LENG1: variants seen among roughly 807,000 people sequenced by gnomAD.
LENG1 encodes leukocyte receptor cluster member 1, also known as leukocyte receptor cluster (LRC) member 1.
In LENG1, 35 loss-of-function variants were observed where a neutral mutation model predicts 28.8. That is an observed-to-expected ratio of 1.22 (90% CI 0.93 to 1.61). LENG1 has a LOEUF of 1.61. Among genes scored for constraint, LENG1 ranks in the 40% most tolerant of loss-of-function variants. The pLI, the probability that LENG1 is intolerant of heterozygous loss-of-function variation, is 0.00. For synonymous variants in LENG1, 170 were observed against 140.6 expected (o/e 1.21, Z -1.48); for missense variants, 404 against 348.9 (o/e 1.16, Z -1.26).
Position 54,156,438 on chromosome 19 carries a change from T to C in LENG1, c.575+325A>G, listed in dbSNP as rs146022127. ...AATCATTAGTGAAAACTAAGAAAGTTTGGACACAAGCATCTGCCATTGGCC... is the reference window on the plus strand; with the variant it reads ...AATCATTAGTGAAAACTAAGAAAGTCTGGACACAAGCATCTGCCATTGGCC... On this transcript the variant is annotated intron_variant, in intron 3 of 3. Transcript: ENST00000222224. Among the ~76,000 whole-genome samples the C allele has an allele frequency of 8.9e-3, 1,356 of 152,258 alleles. 10 individuals carry two copies. Among genetic ancestry groups the C allele is most frequent in the Middle Eastern group, 0.024 (7 of 294 alleles).
Position 54,155,723 on chromosome 19 carries a change from A to G in LENG1, c.793T>C (p.Ter265ArgextTer21), listed in dbSNP as rs2075365587. 2 of 1,608,544 alleles carry G rather than the reference A, an allele frequency of 1.2e-6. No individual in the cohort carries two copies. Among genetic ancestry groups the G allele is most frequent in the Admixed American group, 1.7e-5 (1 of 59,770 alleles). Residue 265 changes from the stop codon to arginine, a stop_lost, in exon 4 of 4, where the codon TGA becomes CGA. Coordinates refer to ENST00000222224, the MANE Select transcript of LENG1 (RefSeq NM_024316.3). ...PRQQDPHLTH[*>R] is the part of the protein sequence containing the mutation. ...CCTCTCCTGTACCCCCTCAGGAGTC[A>G]GTGAGTAAGGTGAGGGTCCTGCTGG...
At chr19:54,159,193 GTAGT>G (rs1776444220) in intron 1 of LENG1, among the ~76,000 whole-genome samples, 1 of 152,234 alleles carries the variant, frequency 6.6e-6, no homozygotes, top group African/African-American at 2.4e-5. Context: ...TGCACGGCAT[GTAGT>G]TAGCATACAG....
Position 54,155,842 on chromosome 19 carries a change from G to A in LENG1, c.674C>T (p.Ala225Val). 1 of 1,612,760 alleles carries A rather than the reference G, an allele frequency of 6.2e-7. No individual in the cohort carries two copies. Among genetic ancestry groups the A allele is most frequent in the Non-Finnish European group, 8.5e-7 (1 of 1,179,824 alleles). Residue 225 changes from alanine to valine, a missense_variant, in exon 4 of 4, where the codon GCA becomes GTA. By Grantham distance (64) the Ala-to-Val change is moderately conservative. Transcript: ENST00000222224. The part of the protein sequence containing the change: ...EALLARVQGR[A>V]LQEGQPEEDE... Reference sequence around the variant, plus strand: ...TTCTTCCGGCTGACCCTCCTGTAGTGCCCGGCCTTGGACCCGGGCCAGCAG... The same window carrying A: ...TTCTTCCGGCTGACCCTCCTGTAGTACCCGGCCTTGGACCCGGGCCAGCAG...
In LENG1 at chr19:54,156,900, T is replaced by C. The variant is rs766751913; in HGVS notation, c.438A>G (p.Pro146=). 1 of 680,772 alleles carries C rather than the reference T, an allele frequency of 1.5e-6. No homozygotes were observed. Among genetic ancestry groups the C allele is most frequent in the Non-Finnish European group, 2.6e-6 (1 of 384,054 alleles). The allele number at this position is 680,772 out of a possible 1,614,324, so 42.2% of individuals were successfully genotyped here. The change falls in exon 3 of 4, where the codon CCA becomes CCG. Residue 146 remains proline, a synonymous_variant. Coordinates refer to ENST00000222224, the MANE Select transcript of LENG1 (RefSeq NM_024316.3). ...CCAGACGGCTCTTGATCTTCTCATC[T>C]GGGGCTGGGCCGGGCGGGGGGCCCC... is the stretch of plus-strand genomic sequence containing the variant. The part of the protein sequence containing the change: ...GRGGPPPGPA[P]DEKIKSRLDP...
intron 1 of LENG1, among the ~76,000 whole-genome samples, chr19:54,158,685 T>C (rs1275800123): frequency 6.6e-6 from 1 of 152,156 alleles, no homozygotes; most frequent in East Asian, 1.9e-4. Context: ...CCACGGGTCA[T>C]CAAGGATGTA....
chr19:54,155,227 A>G lies in LENG1; in HGVS notation c.*494T>C. 6.4e-7 allele frequency: 1 copy of G among 1,563,200 alleles called. No homozygotes were observed. The highest frequency in any genetic ancestry group is 8.7e-7 in the Non-Finnish European group (1 of 1,155,662). ...GCCTGACACATCCACAGCCCTAAGA[A>G]TTGTCCCCTTTGTCTGTTGGTCCGG... is the stretch of plus-strand genomic sequence containing the variant. On this transcript the variant is annotated 3_prime_UTR_variant, in exon 4 of 4. Coordinates refer to ENST00000222224, the MANE Select transcript of LENG1 (RefSeq NM_024316.3).
At chr19:54,159,011 A>G (rs190485187) in intron 1 of LENG1, among the ~76,000 whole-genome samples, 249 of 152,342 alleles carry the variant, frequency 1.6e-3, no homozygotes, top group African/African-American at 5.6e-3. Context: ...GTTTGTGTGT[A>G]TGTGTCTAGG....
At chr19:54,158,116 C>T (rs575426366) in intron 2 of LENG1, among the ~76,000 whole-genome samples, 166 bp downstream of exon 2, 15 of 152,344 alleles carry the variant, frequency 9.8e-5, no homozygotes, top group Middle Eastern at 6.8e-3. Context: ...CCCCTGTGGG[C>T]GCCCAGACGG....
Position 54,155,432 on chromosome 19 carries a change from C to G in LENG1, c.*289G>C, listed in dbSNP as rs1175015223. ...ACACCGGCCCCTCCCTCTACCCACC[C>G]CCTTCCCCCGCATGCTGATCCCCCT... On this transcript the variant is annotated 3_prime_UTR_variant, in exon 4 of 4. Transcript: ENST00000222224. The G allele has an allele frequency of 1.3e-6, 2 of 1,482,100 alleles. No homozygotes were observed. The highest frequency in any genetic ancestry group is 1.9e-5 in the Admixed American group (1 of 52,610). 91.8% of individuals were successfully genotyped at this position (1,482,100 alleles called of 1,614,324 possible).
chr19:54,158,228 C>T lies in LENG1; in HGVS notation c.312+54G>A, dbSNP rs777959206. The T allele has an allele frequency of 9.6e-5, 147 of 1,527,264 alleles. 1 individual carries two copies. In the East Asian group the frequency reaches 3.1e-3, roughly 32 times the overall value. 94.6% of individuals were successfully genotyped at this position (1,527,264 alleles called of 1,614,324 possible). A position where few individuals can be genotyped will look rare whatever the true frequency, so the allele number is the denominator to read the frequency against. On this transcript the variant is annotated intron_variant, in intron 2 of 3. Transcript: ENST00000222224. ...TCACAACCAATGGCTAAAGTGCCCC[C>T]TCCCTCCAACTCGATTCATGGCCCC...
In LENG1 at chr19:54,155,917, C is replaced by T. The variant is rs746328253; in HGVS notation, c.599G>A (p.Arg200Gln). ...TGCTTCCCTCCGCAGACGTTCAGCT[C>T]GAAGCTGGTCCAGGGATGGAGGCCT... ...PKEPPSLDQL[R>Q]AERLRREAAE... Residue 200 changes from arginine (R) to glutamine (Q), a missense_variant, in exon 4 of 4, where the codon CGA (arginine) becomes CAA (glutamine). By Grantham distance (43) the Arg-to-Gln change is conservative. Coordinates refer to ENST00000222224, the MANE Select transcript of LENG1 (RefSeq NM_024316.3). The T allele has an allele frequency of 6.8e-6, 11 of 1,610,798 alleles. No homozygotes were observed. In the East Asian group the frequency reaches 8.9e-5, roughly 13 times the overall value.
intron 1 of LENG1, 26 bp from the exon 2 acceptor site, chr19:54,158,487 A>G: frequency 6.2e-7 from 1 of 1,602,576 alleles, no homozygotes; most frequent in Non-Finnish European, 8.5e-7. Context: ...TAGGCAGGAC[A>G]TTCAGAACCT....
rs1409528014 is a variant in LENG1, at chr19:54,155,164, T to C, written c.*557A>G. On this transcript the variant is annotated 3_prime_UTR_variant, in exon 4 of 4. Transcript: ENST00000222224. ...CTACCCAAGAAGAACCTTGTGAGGA[T>C]GGATGAGAGTGTGTGCGTGCAGGGC... is the stretch of plus-strand genomic sequence containing the variant. 1.8e-5 allele frequency: 15 copies of C among 812,568 alleles called. No homozygotes were observed. The highest frequency in any genetic ancestry group is 5.4e-5 in the Admixed American group (2 of 36,762). 50.3% of individuals were successfully genotyped at this position (812,568 alleles called of 1,614,324 possible).
intron 1 of LENG1, 24 bp downstream of exon 1, chr19:54,159,525 TGGGCCCCGGAGCGCC>T: frequency 6.7e-7 from 1 of 1,493,022 alleles, no homozygotes; most frequent in African/African-American, 1.4e-5. Context: ...GCCTGCGCGC[TGGGCCCCGGAGCGCC>T]GCCCTGCCGG....
chr19:54,157,151 TG>T, intron 2 of LENG1, 126 bp from the exon 3 acceptor site: 1 of 708,854 alleles, frequency 1.4e-6, no homozygotes, highest in Non-Finnish European at 2.1e-6. Flanking sequence ...GACCAGGTGC[TG>T]GGGATGGAAG....
Position 54,158,370 on chromosome 19 carries a change from G to A in LENG1, c.224C>T (p.Pro75Leu), listed in dbSNP as rs773838557. 5.6e-6 allele frequency: 9 copies of A among 1,614,018 alleles called. No homozygotes were observed. Among genetic ancestry groups the A allele is most frequent in the Non-Finnish European group, 7.6e-6 (9 of 1,180,030 alleles). ...CAGCAGCTCCCGAAACAGGTCCACA[G>A]GGCCAGAACCTGGGGCTCCCGCCTC... is the stretch of plus-strand genomic sequence containing the variant. ...AAEAGAPGSG[P>L]VDLFRELLEE... Residue 75 changes from proline to leucine, a missense_variant, in exon 2 of 4, where the codon CCT (proline) becomes CTT (leucine). Pro to Leu is a moderately conservative substitution (Grantham distance 98). Coordinates refer to ENST00000222224, the MANE Select transcript of LENG1 (RefSeq NM_024316.3).
intron 3 of LENG1, among the ~76,000 whole-genome samples, 175 bp from the exon 4 acceptor site, chr19:54,156,115 C>CT: frequency 6.6e-6 from 1 of 152,352 alleles, no homozygotes; most frequent in African/African-American, 2.4e-5. Context: ...ATGGGCACGT[C>CT]TCTGGCCTTC....
intron 2 of LENG1, among the ~76,000 whole-genome samples, chr19:54,157,229 G>A (rs1404653824): frequency 1.3e-5 from 2 of 152,172 alleles, no homozygotes; most frequent in Non-Finnish European, 2.9e-5. Flanking sequence ...GGAAGGAGGG[G>A]ACAAGTGGAG....
In LENG1 at chr19:54,155,547, G is replaced by A. The variant is rs1000201134; in HGVS notation, c.*174C>T. On this transcript the variant is annotated 3_prime_UTR_variant, in exon 4 of 4. Coordinates refer to ENST00000222224, the MANE Select transcript of LENG1 (RefSeq NM_024316.3). Reference sequence around the variant, plus strand: ...TCCCAGGAAGCAGGGAGGGGGCCGGGAGGTTTTCCTCTCAGCCCCACCCTG... The same window carrying A: ...TCCCAGGAAGCAGGGAGGGGGCCGGAAGGTTTTCCTCTCAGCCCCACCCTG... The A allele has an allele frequency of 1.1e-5, 10 of 914,578 alleles. No individual in the cohort carries two copies. The highest frequency in any genetic ancestry group is 1.6e-5 in the Non-Finnish European group (10 of 613,962). The allele number at this position is 914,578 out of a possible 1,614,324, so 56.7% of individuals were successfully genotyped here.
Sources: allele counts gnomAD v4.1 joint callset (sites outside exome capture counted in the v4.1 genomes callset), GRCh38; gene constraint gnomAD v4.1.1; transcripts MANE v1.5; gene names NCBI Gene and HGNC (gene_info 2026-07-23, HGNC 2026-07-21).